The following DOCK2 variants were observed in gnomAD, a reference collection of about 807,000 sequenced individuals.
The protein encoded by DOCK2 is dedicator of cytokinesis protein 2.
DOCK2 carries 87 observed loss-of-function variants against 248.9 expected under a neutral mutation model. The observed-to-expected ratio is 0.35, with a 90% confidence interval of 0.29 to 0.42. The LOEUF is 0.42. Among genes scored for constraint, DOCK2 ranks in the 10% least tolerant of loss-of-function variants. DOCK2 has a pLI of 1.00. For synonymous variants in DOCK2, 805 were observed against 821.6 expected (o/e 0.98, Z 0.35); for missense variants, 1,747 against 2,300.2 (o/e 0.76, Z 4.92).
intron 27 of DOCK2, among the ~76,000 whole-genome samples, chr5:169,944,722 C>T (rs1336906763): frequency 6.6e-6 from 1 of 152,210 alleles, no homozygotes; most frequent in Non-Finnish European, 1.5e-5. Flanking sequence ...TGTGGTGGCT[C>T]TCACCAGTGC....
intron 25 of DOCK2, among the ~76,000 whole-genome samples, chr5:169,767,930 C>G (rs1400419376): frequency 6.6e-6 from 1 of 152,126 alleles, no homozygotes; most frequent in African/African-American, 2.4e-5. Context: ...CTATGTGATG[C>G]TAGGGTTACA....
intron 27 of DOCK2, among the ~76,000 whole-genome samples, chr5:169,887,820 T>C (rs1773058124): frequency 6.6e-6 from 1 of 152,238 alleles, no homozygotes; most frequent in Non-Finnish European, 1.5e-5. Context: ...CATCCTTCTA[T>C]GAAGTTCTAC....
rs1157729744 is a variant in DOCK2 at position 170,077,694 on chromosome 5, T to A, written c.4867-16T>A. On this transcript the variant is annotated splice_polypyrimidine_tract_variant and intron_variant, in intron 47 of 51. Transcript: ENST00000520908. ...CCCAGGCTACAGCTGCTAACCACCC[T>A]GTTCTCCCACCACAGCCTGACTTTG... 6.2e-7 allele frequency: 1 copy of A among 1,613,164 alleles called. No individual in the cohort carries two copies. The highest frequency in any genetic ancestry group is 8.5e-7 in the Non-Finnish European group (1 of 1,179,552).
At chr5:170,077,532 C>T (rs939947839) in intron 47 of DOCK2, among the ~76,000 whole-genome samples, 178 bp from the exon 48 acceptor site, 2 of 152,178 alleles carry the variant, frequency 1.3e-5, no homozygotes, top group African/African-American at 4.8e-5. Context: ...GAGTAAAGGT[C>T]ATCCACATTC....
At chr5:170,041,376 G>T (rs1756512229) in intron 37 of DOCK2, among the ~76,000 whole-genome samples, 1 of 152,144 alleles carries the variant, frequency 6.6e-6, no homozygotes, top group South Asian at 2.1e-4. Context: ...GATACATTTT[G>T]CAGCTTTATA....
At chr5:169,929,144 G>A (rs76621262) in intron 27 of DOCK2, among the ~76,000 whole-genome samples, 1 of 152,158 alleles carries the variant, frequency 6.6e-6, no homozygotes, top group African/African-American at 2.4e-5. Context: ...GGAAGCCCAC[G>A]CACATAGCAC....
chr5:169,784,919 A>T (rs1442429592), intron 25 of DOCK2, among the ~76,000 whole-genome samples: 1 of 152,230 alleles, frequency 6.6e-6, no homozygotes, highest in East Asian at 1.9e-4. Context: ...CCCACTGAAA[A>T]ACATAATGAT....
chr5:170,066,815 C>T (rs1013323509), intron 44 of DOCK2, among the ~76,000 whole-genome samples: 2 of 152,182 alleles, frequency 1.3e-5, no homozygotes, highest in Non-Finnish European at 2.9e-5. Context: ...GGTGCTTTTG[C>T]CCTACAATAA....
At chr5:170,020,769 A>G (rs996545018) in intron 33 of DOCK2, among the ~76,000 whole-genome samples, 55 of 152,242 alleles carry the variant, frequency 3.6e-4, no homozygotes, top group African/African-American at 1.2e-3. Context: ...GCTGATTGGT[A>G]TCTGCTAGAG....
intron 27 of DOCK2, among the ~76,000 whole-genome samples, chr5:169,962,852 G>A (rs1024615717): frequency 6.6e-6 from 1 of 152,164 alleles, no homozygotes; most frequent in Middle Eastern, 3.2e-3. Context: ...GACTGGGGAT[G>A]AGGCAGAATT....
chr5:169,899,256 G>A (rs879251591), intron 27 of DOCK2, among the ~76,000 whole-genome samples: 3 of 152,190 alleles, frequency 2.0e-5, no homozygotes, highest in Non-Finnish European at 4.4e-5. Flanking sequence ...AGCACGCCCA[G>A]ACAGTATGGC....
At chr5:169,910,577 T>C (rs1247804900) in intron 27 of DOCK2, among the ~76,000 whole-genome samples, 1 of 152,094 alleles carries the variant, frequency 6.6e-6, no homozygotes, top group Non-Finnish European at 1.5e-5. Context: ...TCCTCCGAGG[T>C]TCACTGCACT....
intron 27 of DOCK2, among the ~76,000 whole-genome samples, chr5:169,857,258 A>T (rs1445437968): frequency 2.0e-5 from 3 of 152,240 alleles, no homozygotes; most frequent in African/African-American, 7.2e-5. Context: ...TTACTCTTTG[A>T]TATGGTAAGG....
At chr5:169,754,623 C>T (rs1026519640) in intron 23 of DOCK2, among the ~76,000 whole-genome samples, 1 of 152,130 alleles carries the variant, frequency 6.6e-6, no homozygotes, top group African/African-American at 2.4e-5. Context: ...CCTTCTCGCC[C>T]CTGCTGAATC....
intron 14 of DOCK2, among the ~76,000 whole-genome samples, chr5:169,706,551 T>C (rs264839): frequency 0.67 from 101,366 of 152,034 alleles, 34,134 homozygotes; most frequent in East Asian, 0.88. Context: ...CAGGGCTTAG[T>C]GTGATGCTGG....
intron 25 of DOCK2, among the ~76,000 whole-genome samples, chr5:169,786,296 T>C (rs1374430886): frequency 6.6e-6 from 1 of 152,110 alleles, no homozygotes; most frequent in African/African-American, 2.4e-5. Context: ...CTTCAGTTAG[T>C]AGGGGGGCAT....
intron 14 of DOCK2, among the ~76,000 whole-genome samples, chr5:169,705,420 T>A (rs766222917): frequency 5.3e-5 from 8 of 152,092 alleles, no homozygotes; most frequent in African/African-American, 9.7e-5. Flanking sequence ...ATAGGGGAAG[T>A]ATGGGATAGT....
At chr5:169,821,656 C>A (rs1055518587) in intron 26 of DOCK2, among the ~76,000 whole-genome samples, 5 of 152,206 alleles carry the variant, frequency 3.3e-5, no homozygotes, top group African/African-American at 1.2e-4. Flanking sequence ...GTACCAGCCA[C>A]TGCAAAAACA....
intron 8 of DOCK2, among the ~76,000 whole-genome samples, chr5:169,686,091 C>T (rs1759961513): frequency 6.6e-6 from 1 of 152,224 alleles, no homozygotes; most frequent in Non-Finnish European, 1.5e-5. Flanking sequence ...TGTCCCTGGT[C>T]CCTTACGCCC....
Sources: allele counts gnomAD v4.1 joint callset (sites outside exome capture counted in the v4.1 genomes callset), GRCh38; gene constraint gnomAD v4.1.1; transcripts MANE v1.5; gene names NCBI Gene and HGNC (gene_info 2026-07-23, HGNC 2026-07-21).